The following RSU1 variants were observed in gnomAD, a reference collection of about 807,000 sequenced individuals.
RSU1 encodes Ras suppressor protein 1, also known as rsu-1.
Under a neutral mutation model 31.1 loss-of-function variants are expected in RSU1, and 26 were observed. The ratio of observed to expected loss-of-function variants is 0.84; its 90% CI spans 0.61 to 1.16. RSU1 has a LOEUF of 1.16. RSU1 is among the 50% of genes most tolerant of loss of function. The pLI, the probability that RSU1 is intolerant of heterozygous loss-of-function variation, is 0.00. For synonymous variants in RSU1, 164 were observed against 136.3 expected (o/e 1.20, Z -1.41); for missense variants, 320 against 339.1 (o/e 0.94, Z 0.44).
chr10:16,681,005 CT>C (rs1215315179), intron 8 of RSU1, among the ~76,000 whole-genome samples: 2 of 152,192 alleles, frequency 1.3e-5, no homozygotes, highest in African/African-American at 4.8e-5. Context: ...GGAAATGATG[CT>C]TCCTATTGTG....
At chr10:16,612,471 C>G (rs1365718725) in intron 8 of RSU1, among the ~76,000 whole-genome samples, 1 of 152,164 alleles carries the variant, frequency 6.6e-6, no homozygotes, top group African/African-American at 2.4e-5. Flanking sequence ...AGGCAGCTCC[C>G]AAGGACTAAC....
chr10:16,738,876 G>A (rs1836692230), intron 7 of RSU1, among the ~76,000 whole-genome samples: 1 of 128,248 alleles, frequency 7.8e-6, no homozygotes, highest in South Asian at 2.6e-4. Context: ...CACCCCCCCA[G>A]CGGACCCCAG....
chr10:16,738,699 A>T (rs941474054), intron 7 of RSU1, among the ~76,000 whole-genome samples: 10 of 151,878 alleles, frequency 6.6e-5, no homozygotes, highest in African/African-American at 1.2e-4. Flanking sequence ...TGTACTTTTT[A>T]AAAAAAAATT....
intron 2 of RSU1, among the ~76,000 whole-genome samples, chr10:16,802,068 T>C (rs1354817641): frequency 6.6e-6 from 1 of 151,574 alleles, no homozygotes; most frequent in Non-Finnish European, 1.5e-5. Flanking sequence ...CAGAAAAATA[T>C]TAATAAAAAT....
At chr10:16,652,957 G>T (rs1434275791) in intron 8 of RSU1, among the ~76,000 whole-genome samples, 1 of 151,994 alleles carries the variant, frequency 6.6e-6, no homozygotes, top group African/African-American at 2.4e-5. Context: ...GAGATTACAT[G>T]CGTGAGCCAC....
intron 7 of RSU1, among the ~76,000 whole-genome samples, chr10:16,713,647 C>A (rs1214059294): frequency 1.3e-5 from 2 of 152,196 alleles, no homozygotes. Context: ...CATGAGTTTC[C>A]TTAAGATTAT....
chr10:16,798,273 T>C (rs560628037), intron 2 of RSU1, among the ~76,000 whole-genome samples: 10 of 152,200 alleles, frequency 6.6e-5, no homozygotes, highest in African/African-American at 2.2e-4. Context: ...AGGAAAGAGC[T>C]CATAGACTAA....
At chr10:16,797,792 T>G (rs1456495364) in intron 2 of RSU1, among the ~76,000 whole-genome samples, 4 of 147,268 alleles carry the variant, frequency 2.7e-5, no homozygotes, top group Non-Finnish European at 6.0e-5. Flanking sequence ...CAAAGACATA[T>G]AAGAGCAAAT....
chr10:16,678,192 T>A (rs1835267614), intron 8 of RSU1, among the ~76,000 whole-genome samples: 1 of 152,158 alleles, frequency 6.6e-6, no homozygotes, highest in South Asian at 2.1e-4. Context: ...AACGTAGAAA[T>A]CCATTTTCTT....
At chr10:16,718,097 T>TAAAAAA (rs11411668) in intron 7 of RSU1, among the ~76,000 whole-genome samples, 3 of 136,166 alleles carry the variant, frequency 2.2e-5, no homozygotes, top group Admixed American at 7.3e-5. Flanking sequence ...TCAATTTATT[T>TAAAAAA]AAAAAAAAAA....
chr10:16,651,617 C>G (rs1376522943), intron 8 of RSU1, among the ~76,000 whole-genome samples: 3 of 152,154 alleles, frequency 2.0e-5, no homozygotes, highest in African/African-American at 7.2e-5. Context: ...ATATACAAGG[C>G]AAGGTAGAAC....
chr10:16,744,145 AG>A (rs1836803179), intron 7 of RSU1, among the ~76,000 whole-genome samples: 1 of 151,114 alleles, frequency 6.6e-6, no homozygotes, highest in Non-Finnish European at 1.5e-5. Context: ...AAAAAAAAAA[AG>A]AAAGAAAGAA....
chr10:16,763,321 G>A (rs1171166594), intron 4 of RSU1, among the ~76,000 whole-genome samples: 2 of 152,282 alleles, frequency 1.3e-5, no homozygotes, highest in East Asian at 1.9e-4. Flanking sequence ...TATAGGAAGC[G>A]TGGCAGCAGC....
intron 8 of RSU1, among the ~76,000 whole-genome samples, chr10:16,680,588 C>T (rs1456101014): frequency 3.9e-5 from 6 of 152,040 alleles, no homozygotes; most frequent in African/African-American, 9.6e-5. Flanking sequence ...AGGCATGTCA[C>T]GTGGCAAAAG....
chr10:16,817,180 G>T lies in RSU1; in HGVS notation c.-3-96C>A, dbSNP rs1010595319. The stretch of plus-strand genomic sequence containing the variant: ...GCTGCCACTCTGAGGCTTCCCCAGG[G>T]TTGGAGCGGGTGGGCGTCCGAGGGC... On this transcript the variant is annotated intron_variant, in intron 1 of 8. Coordinates refer to ENST00000345264, the MANE Select transcript of RSU1 (RefSeq NM_012425.4). 4 of 897,822 alleles carry T rather than the reference G, an allele frequency of 4.5e-6. No individual in the cohort carries two copies. In the Admixed American group the frequency reaches 5.6e-5, roughly 12 times the overall value. The allele number at this position is 897,822 out of a possible 1,614,324, so 55.6% of individuals were successfully genotyped here. A position where few individuals can be genotyped will look rare whatever the true frequency, so the allele number is the denominator to read the frequency against.
At position 16,723,038 on chromosome 10, in the gene RSU1, A is replaced by G. The variant is rs949751060; in HGVS notation, c.599-27883T>C. ...CATACACACATATATGTATATGTATATAGACATACATACACACATATATAT... is the reference window on the plus strand; with the variant it reads ...CATACACACATATATGTATATGTATGTAGACATACATACACACATATATAT... On this transcript the variant is annotated intron_variant, in intron 7 of 8. Coordinates refer to ENST00000345264, the MANE Select transcript of RSU1 (RefSeq NM_012425.4). 81 of 151,214 alleles carry G rather than the reference A, an allele frequency of 5.4e-4. 5 individuals carry two copies. The highest frequency in any genetic ancestry group is 2.9e-5 in the Non-Finnish European group (2 of 67,866). 9.4% of individuals were successfully genotyped at this position (151,214 alleles called of 1,614,324 possible).
intron 8 of RSU1, among the ~76,000 whole-genome samples, chr10:16,663,377 T>C (rs757689940): frequency 1.3e-5 from 2 of 152,140 alleles, no homozygotes; most frequent in Non-Finnish European, 2.9e-5. Flanking sequence ...TAAAGATGGA[T>C]TACTATTTAA....
At chr10:16,670,169 ATAAC>A (rs1422699494) in intron 8 of RSU1, among the ~76,000 whole-genome samples, 12 of 152,370 alleles carry the variant, frequency 7.9e-5, no homozygotes, top group Admixed American at 3.9e-4. Context: ...ATGCTGGAGA[ATAAC>A]TAAGGAGGAA....
intron 2 of RSU1, among the ~76,000 whole-genome samples, chr10:16,788,033 A>G (rs1443830212): frequency 6.6e-6 from 1 of 152,158 alleles, no homozygotes; most frequent in Non-Finnish European, 1.5e-5. Context: ...TTGAGTTCAG[A>G]TTTTTCTGTC....
Sources: allele counts gnomAD v4.1 joint callset (sites outside exome capture counted in the v4.1 genomes callset), GRCh38; gene constraint gnomAD v4.1.1; transcripts MANE v1.5; gene names NCBI Gene and HGNC (gene_info 2026-07-23, HGNC 2026-07-21).